NUBPL: variants seen among roughly 807,000 people sequenced by gnomAD.
NUBPL encodes the protein NUBP iron-sulfur cluster assembly factor, mitochondrial, also known as iron-sulfur cluster transfer protein NUBPL.
A neutral mutation model predicts 45.7 loss-of-function variants in NUBPL; 31 were observed. The ratio of observed to expected loss-of-function variants is 0.68; its 90% CI spans 0.51 to 0.92. The LOEUF (loss-of-function observed/expected upper bound fraction) is 0.92. Among genes scored for constraint, NUBPL ranks in the 40% least tolerant of loss-of-function variants. NUBPL has a pLI of 0.00. For synonymous variants in NUBPL, 144 were observed against 140.9 expected (o/e 1.02, Z -0.15); for missense variants, 401 against 398.7 (o/e 1.01, Z -0.05).
chr14:31,656,577 GGAGA>G (rs931833928), intron 4 of NUBPL, among the ~76,000 whole-genome samples: 15 of 151,524 alleles, frequency 9.9e-5, no homozygotes, highest in African/African-American at 1.9e-4. Context: ...GGAGGCCTGA[GGAGA>G]GAGAGAGAGA....
Position 31,562,183 on chromosome 14 carries a change from G to A in NUBPL, c.224G>A (p.Gly75Glu). Residue 75 changes from glycine to glutamate, a missense_variant, in exon 2 of 11, where the codon GGA (glycine) becomes GAA (glutamate). By Grantham distance (98) the Gly-to-Glu change is moderately conservative (BLOSUM62 -2). Coordinates refer to ENST00000281081, the MANE Select transcript of NUBPL (RefSeq NM_025152.3). ...GVKQVIVVAS[G>E]KGGVGKSTTA... is the part of the protein sequence containing the mutation. ...AAACAAGTTATAGTTGTGGCTTCTGGAAAGGGTGGAGTCGGAAAATCTACT... is the reference window on the plus strand; with the variant it reads ...AAACAAGTTATAGTTGTGGCTTCTGAAAAGGGTGGAGTCGGAAAATCTACT... The A allele has an allele frequency of 1.2e-6, 2 of 1,614,094 alleles. No homozygotes were observed. Among genetic ancestry groups the A allele is most frequent in the Non-Finnish European group, 1.7e-6 (2 of 1,179,978 alleles).
At position 31,732,193 on chromosome 14, in the gene NUBPL, C is replaced by CAAAAAAAAA. The variant is rs10643173; in HGVS notation, c.514-55585_514-55577dup. Among the ~76,000 whole-genome samples, 42 of 79,772 alleles carry CAAAAAAAAA rather than the reference C, an allele frequency of 5.3e-4. 3 individuals are homozygous for CAAAAAAAAA. The highest frequency in any genetic ancestry group is 1.3e-3 in the East Asian group (4 of 3,114). 52.3% of individuals were successfully genotyped at this position (79,772 alleles called of 152,430 possible). ...TGGGTGACAGAGCAAGACTCTGTCT[C>CAAAAAAAAA]AAAAAAAAAATGAAAGAAAGAAAAG... On this transcript the variant is annotated intron_variant, in intron 6 of 10. Coordinates refer to ENST00000281081, the MANE Select transcript of NUBPL (RefSeq NM_025152.3).
At chr14:31,849,330 C>T (rs767208186) in intron 9 of NUBPL, among the ~76,000 whole-genome samples, 13 of 152,088 alleles carry the variant, frequency 8.5e-5, no homozygotes, top group Admixed American at 1.3e-4. Context: ...TCAACTTTTC[C>T]GCTTAAGACT....
intron 7 of NUBPL, among the ~76,000 whole-genome samples, chr14:31,826,219 C>G (rs543624525): frequency 6.6e-6 from 1 of 151,862 alleles, no homozygotes; most frequent in South Asian, 2.1e-4. Context: ...CTCCCAGGTT[C>G]AAGTGATTCT....
chr14:31,842,455 T>C (rs996006535), intron 8 of NUBPL, among the ~76,000 whole-genome samples: 1 of 152,118 alleles, frequency 6.6e-6, no homozygotes, highest in African/African-American at 2.4e-5. Flanking sequence ...TTCAAACATA[T>C]AAAGGGTTCT....
At chr14:31,651,022 AACCCAG>A (rs2035989664) in intron 4 of NUBPL, among the ~76,000 whole-genome samples, 1 of 152,246 alleles carries the variant, frequency 6.6e-6, no homozygotes, top group South Asian at 2.1e-4. Flanking sequence ...TCTGTCGCAC[AACCCAG>A]ACACCTCTCA....
intron 4 of NUBPL, among the ~76,000 whole-genome samples, chr14:31,671,696 CTAGT>C (rs1172358990): frequency 6.6e-6 from 1 of 152,140 alleles, no homozygotes; most frequent in Non-Finnish European, 1.5e-5. Flanking sequence ...GGAGATTGAG[CTAGT>C]TAGTTTAGCC....
intron 7 of NUBPL, among the ~76,000 whole-genome samples, chr14:31,819,701 G>A (rs947779082): frequency 4.6e-5 from 7 of 152,158 alleles, no homozygotes; most frequent in African/African-American, 1.7e-4. Context: ...AAATGTTTAT[G>A]TATTTGCCAG....
At chr14:31,834,212 T>C (rs999624777) in intron 8 of NUBPL, among the ~76,000 whole-genome samples, 2 of 141,320 alleles carry the variant, frequency 1.4e-5, no homozygotes, top group Admixed American at 7.3e-5. Context: ...GACAGAGTCT[T>C]GCTCTGTCGC....
At chr14:31,767,059 G>A (rs572587856) in intron 6 of NUBPL, among the ~76,000 whole-genome samples, 65 of 151,930 alleles carry the variant, frequency 4.3e-4, no homozygotes, top group African/African-American at 1.5e-3. Context: ...GAAGATAAAA[G>A]TGCCCCCCTC....
At chr14:31,841,028 G>A (rs141330929) in intron 8 of NUBPL, among the ~76,000 whole-genome samples, 140 of 152,318 alleles carry the variant, frequency 9.2e-4, no homozygotes, top group African/African-American at 2.7e-3. Flanking sequence ...AGTTGCCATC[G>A]TTCTTTTCTT....
intron 4 of NUBPL, among the ~76,000 whole-genome samples, chr14:31,617,848 ATGGTACCAGCTCCTCTT>A (rs1401510690): frequency 2.6e-5 from 4 of 152,086 alleles, no homozygotes; most frequent in Non-Finnish European, 2.9e-5. Context: ...TTCAGAAGGA[ATGGTACCAGCTCCTCTT>A]TGTACCTCTG....
intron 6 of NUBPL, among the ~76,000 whole-genome samples, chr14:31,717,814 C>T (rs1488036962): frequency 6.6e-6 from 1 of 152,094 alleles, no homozygotes; most frequent in African/African-American, 2.4e-5. Flanking sequence ...CTTTCGGCCC[C>T]GACTACTGAA....
At chr14:31,572,559 C>G (rs1282244385) in intron 3 of NUBPL, among the ~76,000 whole-genome samples, 4 of 152,164 alleles carry the variant, frequency 2.6e-5, no homozygotes, top group African/African-American at 9.7e-5. Flanking sequence ...TATGATTGTA[C>G]AGGCAGATTT....
intron 6 of NUBPL, among the ~76,000 whole-genome samples, chr14:31,687,497 T>G: frequency 6.6e-6 from 1 of 152,242 alleles, no homozygotes; most frequent in South Asian, 2.1e-4. Context: ...AATGTACAGA[T>G]GTAGTACTAC....
At chr14:31,835,539 G>T (rs564415485) in intron 8 of NUBPL, among the ~76,000 whole-genome samples, 1 of 152,300 alleles carries the variant, frequency 6.6e-6, no homozygotes, top group East Asian at 1.9e-4. Flanking sequence ...GTATGGTAAA[G>T]GGTAGCTCTG....
chr14:31,648,550 G>C (rs904979371), intron 4 of NUBPL, among the ~76,000 whole-genome samples: 2 of 151,828 alleles, frequency 1.3e-5, no homozygotes, highest in Non-Finnish European at 2.9e-5. Context: ...GATATTACAT[G>C]TGTGTATTTG....
At chr14:31,637,047 G>C (rs2035525072) in intron 4 of NUBPL, among the ~76,000 whole-genome samples, 1 of 152,040 alleles carries the variant, frequency 6.6e-6, no homozygotes, top group Admixed American at 6.6e-5. Context: ...CCAGCTCCTG[G>C]ATTCATTAAT....
chr14:31,647,815 G>T (rs757784336), intron 4 of NUBPL, among the ~76,000 whole-genome samples: 11 of 152,164 alleles, frequency 7.2e-5, no homozygotes, highest in Non-Finnish European at 1.6e-4. Flanking sequence ...TGAACTCACT[G>T]TTTTCAGCCG....
Sources: allele counts gnomAD v4.1 joint callset (sites outside exome capture counted in the v4.1 genomes callset), GRCh38; gene constraint gnomAD v4.1.1; transcripts MANE v1.5; gene names NCBI Gene and HGNC (gene_info 2026-07-23, HGNC 2026-07-21).